The following ZRANB2 variants were observed in gnomAD, a reference collection of about 807,000 sequenced individuals.
ZRANB2 encodes zinc finger RANBP2-type containing 2.
A neutral mutation model predicts 53.4 loss-of-function variants in ZRANB2; 19 were observed. That is an observed-to-expected ratio of 0.36 (90% CI 0.25 to 0.52). The LOEUF (loss-of-function observed/expected upper bound fraction) is 0.52, where lower values mean the gene tolerates loss of function less well. ZRANB2 is among the 20% of genes least tolerant of loss of function. ZRANB2 has a pLI of 0.93. For synonymous variants in ZRANB2, 145 were observed against 134.8 expected, an observed-to-expected ratio of 1.08 and a Z score of -0.52; for missense variants, 309 against 401.1, an observed-to-expected ratio of 0.77 and a Z score of 1.96.
At position 71,072,124 on chromosome 1, in the gene ZRANB2, A is replaced by G. The variant is rs766215469; in HGVS notation, c.510T>C (p.Asp170=). The change falls in exon 6 of 10, where the codon GAT becomes GAC. Residue 170 remains aspartate (D), a synonymous_variant. Transcript: ENST00000370920. ...EDEDLSKYKL[D]EDEDEDDADL... ...ATAGGACAAGAAAATTGTTCACCTC[A>G]TCTAACTTATATTTAGAAAGATCTT... 39 of 1,605,688 alleles carry G rather than the reference A, an allele frequency of 2.4e-5. No homozygotes were observed. The highest frequency in any genetic ancestry group is 3.1e-5 in the Non-Finnish European group (36 of 1,177,720).
intron 7 of ZRANB2, 154 bp from the exon 8 acceptor site, chr1:71,069,516 G>C (rs943895235): frequency 2.2e-6 from 1 of 460,308 alleles, no homozygotes. Context: ...TTTTAAATTA[G>C]ATAAGATTTA....
chr1:71,067,143 A>T (rs938567660), intron 8 of ZRANB2: 16 of 417,544 alleles, frequency 3.8e-5, no homozygotes, highest in African/African-American at 3.1e-4. Flanking sequence ...TCTCTTTAAA[A>T]TTCTATCATG....
In ZRANB2 at chr1:71,065,521, G is replaced by A. The variant is rs142157908; in HGVS notation, c.930-384C>T. Among the ~76,000 whole-genome samples, 264 of 152,196 alleles carry A rather than the reference G, an allele frequency of 1.7e-3. 5 individuals are homozygous for A. In the South Asian group the frequency reaches 0.018, roughly 11 times the overall value. On this transcript the variant is annotated intron_variant, in intron 9 of 9. Transcript: ENST00000370920. ...ATCCCTGTGACACGGTGTAGAAAGTGTAAGAAGTCTATTATGTAAAAAAGA... is the reference window on the plus strand; with the variant it reads ...ATCCCTGTGACACGGTGTAGAAAGTATAAGAAGTCTATTATGTAAAAAAGA...
chr1:71,078,579 A>T lies in ZRANB2; in HGVS notation c.110-14T>A. On this transcript the variant is annotated splice_polypyrimidine_tract_variant and intron_variant, in intron 2 of 9. Coordinates refer to ENST00000370920, the MANE Select transcript of ZRANB2 (RefSeq NM_203350.3). ...CAGTTGTTTTCTCTGAAAACAGAAA[A>T]ATCATGCAATATGAACCTGGAGAAA... 6.2e-7 allele frequency: 1 copy of T among 1,613,144 alleles called. No homozygotes were observed. Among genetic ancestry groups the T allele is most frequent in the Non-Finnish European group, 8.5e-7 (1 of 1,179,288 alleles).
chr1:71,066,829 A>T lies in ZRANB2; in HGVS notation c.876T>A (p.Ser292=), dbSNP rs1462380602. ...ERNRKRSRSR[S]SSSGDRKKRR... is the part of the protein sequence containing the mutation. Reference sequence around the variant, plus strand: ...TTTTTTTGCGATCACCAGATGAAGAAGATCTAGAACGACTTCTCTTTCTGT... The same window carrying T: ...TTTTTTTGCGATCACCAGATGAAGATGATCTAGAACGACTTCTCTTTCTGT... The change falls in exon 9 of 10, where the codon TCT becomes TCA. Residue 292 remains serine (S), a synonymous_variant. Coordinates refer to ENST00000370920, the MANE Select transcript of ZRANB2 (RefSeq NM_203350.3). 1.9e-6 allele frequency: 3 copies of T among 1,612,452 alleles called. No individual in the cohort carries two copies. The highest frequency in any genetic ancestry group is 1.7e-5 in the Admixed American group (1 of 59,812).
chr1:71,075,679 T>C (rs1466683628), intron 4 of ZRANB2, among the ~76,000 whole-genome samples: 1 of 147,696 alleles, frequency 6.8e-6, no homozygotes, highest in African/African-American at 2.5e-5. Flanking sequence ...CAAACGGGGG[T>C]TGGTGGGGGC....
chr1:71,079,216 G>C (rs1661779079), intron 1 of ZRANB2, among the ~76,000 whole-genome samples: 1 of 151,948 alleles, frequency 6.6e-6, no homozygotes, highest in Admixed American at 6.6e-5. Context: ...AATACAAAAA[G>C]ATTCAATAAT....
intron 8 of ZRANB2, 103 bp from the exon 9 acceptor site, chr1:71,067,037 C>A: frequency 8.4e-7 from 1 of 1,195,452 alleles, no homozygotes; most frequent in East Asian, 2.7e-5. Flanking sequence ...TTTATAACAA[C>A]TATGAAAATT....
chr1:71,072,453 A>C lies in ZRANB2; in HGVS notation c.378+19T>G. 1 of 1,577,094 alleles carries C rather than the reference A, an allele frequency of 6.3e-7. No individual in the cohort carries two copies. The highest frequency in any genetic ancestry group is 8.6e-7 in the Non-Finnish European group (1 of 1,162,636). ...TTTTTCTAATTTATATTCAACCTGA[A>C]CACCAAAATATAGCTTACCTCATCA... On this transcript the variant is annotated intron_variant, in intron 5 of 9. Coordinates refer to ENST00000370920, the MANE Select transcript of ZRANB2 (RefSeq NM_203350.3).
intron 4 of ZRANB2, among the ~76,000 whole-genome samples, chr1:71,073,377 C>T (rs997794830): frequency 6.6e-6 from 1 of 151,804 alleles, no homozygotes; most frequent in Non-Finnish European, 1.5e-5. Context: ...GTCACATACT[C>T]CAGAGCAGTA....
At chr1:71,075,334 A>G (rs187421897) in intron 4 of ZRANB2, among the ~76,000 whole-genome samples, 37 of 152,282 alleles carry the variant, frequency 2.4e-4, no homozygotes, top group African/African-American at 8.4e-4. Context: ...TTTCCAGCTT[A>G]TGTAATAAAT....
chr1:71,071,039 TTACC>T (rs770641352), intron 6 of ZRANB2, 43 bp from the exon 7 acceptor site: 1 of 1,466,178 alleles, frequency 6.8e-7, no homozygotes, highest in Admixed American at 2.3e-5. Flanking sequence ...GATATTAGTG[TTACC>T]TACCAGGAAA....
intron 5 of ZRANB2, 95 bp from the exon 6 acceptor site, chr1:71,072,350 G>C: frequency 6.9e-7 from 1 of 1,451,264 alleles, no homozygotes; most frequent in African/African-American, 1.5e-5. Flanking sequence ...ATGATTTCCT[G>C]AAAATGATCA....
chr1:71,065,978 T>C, intron 9 of ZRANB2: 1 of 467,786 alleles, frequency 2.1e-6, no homozygotes, highest in African/African-American at 2.0e-5. Context: ...AATCATTCTG[T>C]ACAAGTAGGA....
In ZRANB2 at chr1:71,065,029, T is replaced by G; in HGVS notation, c.*45A>C. Reference sequence around the variant, plus strand: ...GACACCAACTTCTTTAAAAATATGCTTCATGCACTGTACTGGATTTTTTTA... The same window carrying G: ...GACACCAACTTCTTTAAAAATATGCGTCATGCACTGTACTGGATTTTTTTA... On this transcript the variant is annotated 3_prime_UTR_variant, in exon 10 of 10. Transcript: ENST00000370920. 7.0e-7 allele frequency: 1 copy of G among 1,419,132 alleles called. No individual in the cohort carries two copies. The highest frequency in any genetic ancestry group is 1.4e-5 in the African/African-American group (1 of 69,778). The allele number at this position is 1,419,132 out of a possible 1,614,324, so 87.9% of individuals were successfully genotyped here.
intron 1 of ZRANB2, 22 bp from the exon 2 acceptor site, chr1:71,078,730 T>C: frequency 3.1e-6 from 5 of 1,592,746 alleles, no homozygotes; most frequent in East Asian, 2.2e-5. Context: ...TTAAAAAGCA[T>C]TTATAAAAAT....
intron 8 of ZRANB2, among the ~76,000 whole-genome samples, chr1:71,068,738 A>G (rs1661521662): frequency 6.6e-6 from 1 of 152,058 alleles, no homozygotes; most frequent in South Asian, 2.1e-4. Flanking sequence ...TCTTCCTTTT[A>G]ATAATGAAGA....
chr1:71,063,458 T>C lies in ZRANB2; in HGVS notation c.*1616A>G, dbSNP rs1463675611. ...ATCAGAATTGTCTGTAAACTACTATTAGCTAAATTATAACCTTGCATTTGC... is the reference window on the plus strand; with the variant it reads ...ATCAGAATTGTCTGTAAACTACTATCAGCTAAATTATAACCTTGCATTTGC... On this transcript the variant is annotated 3_prime_UTR_variant, in exon 10 of 10. Transcript: ENST00000370920. The C allele has an allele frequency of 1.3e-5, 2 of 152,424 alleles. No individual in the cohort carries two copies. The highest frequency in any genetic ancestry group is 2.9e-5 in the Non-Finnish European group (2 of 67,898). 9.4% of individuals were successfully genotyped at this position (152,424 alleles called of 1,614,324 possible). A position where few individuals can be genotyped will look rare whatever the true frequency, so the allele number is the denominator to read the frequency against.
chr1:71,076,818 T>C lies in ZRANB2; in HGVS notation c.278A>G (p.Tyr93Cys). ...ACCTGTTCTTTCTTCTAATTTAGCA[T>C]ACTTTGGAGTATTACACATATTACA... Reference protein sequence around the residue: ...SECNMCNTPKYAKLEERTGYG... With the variant: ...SECNMCNTPKCAKLEERTGYG... The change falls in exon 4 of 10, where the codon TAT (tyrosine) becomes TGT (cysteine). Residue 93 changes from tyrosine (Y) to cysteine (C), a missense_variant. By Grantham distance (194) the Tyr-to-Cys change is radical (BLOSUM62 -2). Around this residue, in one of 3 missense-constraint regions of ZRANB2, gnomAD observed 74 missense variants for 180.1 expected, o/e 0.41. Transcript: ENST00000370920. 1 of 1,611,042 alleles carries C rather than the reference T, an allele frequency of 6.2e-7. No homozygotes were observed. Among genetic ancestry groups the C allele is most frequent in the Non-Finnish European group, 8.5e-7 (1 of 1,178,906 alleles).
Sources: gnomAD v4.1 joint callset for allele counts (sites outside exome capture counted in the v4.1 genomes callset) on GRCh38, gnomAD v4.1.1 for gene constraint, gnomAD v4.1.1 regional missense constraint, MANE v1.5 for transcripts, NCBI Gene and HGNC (gene_info 2026-07-23, HGNC 2026-07-21) for gene names.